Variants in RFC3 observed in about 807,000 individuals in gnomAD.
The protein encoded by RFC3 is A1 38 kDa subunit.
Under a neutral mutation model 45.1 loss-of-function variants are expected in RFC3, and 41 were observed. That is an observed-to-expected ratio of 0.91 (90% confidence interval 0.71 to 1.18). The LOEUF is 1.18. Ranked by LOEUF, RFC3 falls within the 50% of genes most tolerant of loss-of-function variation. The pLI is 0.00. For missense variants in RFC3, 423 were observed against 428.1 expected (o/e 0.99, Z 0.10); for synonymous variants, 149 against 144.0 (o/e 1.03, Z -0.25).
intron 8 of RFC3, among the ~76,000 whole-genome samples, chr13:33,875,907 T>C (rs1293608151): frequency 6.6e-6 from 1 of 152,218 alleles, no homozygotes. Context: ...AAGCTAATCA[T>C]AGCAGCCCTC....
At chr13:33,943,538 A>G (rs903544308) in intron 8 of RFC3, among the ~76,000 whole-genome samples, 1 of 152,168 alleles carries the variant, frequency 6.6e-6, no homozygotes, top group Non-Finnish European at 1.5e-5. Context: ...AGGATATCCT[A>G]ATTACCACGA....
intron 8 of RFC3, among the ~76,000 whole-genome samples, chr13:33,891,419 A>G (rs1009229919): frequency 1.3e-5 from 2 of 152,220 alleles, no homozygotes; most frequent in South Asian, 4.1e-4. Flanking sequence ...CAAGCAGAGC[A>G]GACAAGTAAC....
chr13:33,829,732 CTTA>C (rs768543538), intron 4 of RFC3, 101 bp from the exon 5 acceptor site: 18 of 869,158 alleles, frequency 2.1e-5, no homozygotes, highest in African/African-American at 3.3e-5. Flanking sequence ...GTATATCAGG[CTTA>C]TTATTTAGGA....
chr13:33,961,800 A>C (rs1360611406), intron 8 of RFC3, among the ~76,000 whole-genome samples: 3 of 152,242 alleles, frequency 2.0e-5, no homozygotes, highest in Non-Finnish European at 4.4e-5. Context: ...AGAGATTGGA[A>C]ATAGTGCTTT....
intron 7 of RFC3, among the ~76,000 whole-genome samples, chr13:33,833,422 C>G (rs1432761013): frequency 1.3e-5 from 2 of 151,858 alleles, no homozygotes; most frequent in African/African-American, 2.4e-5. Flanking sequence ...CAGGTACATT[C>G]CATTATTATA....
the RFC3 span, among the ~76,000 whole-genome samples, chr13:33,975,384 G>A: frequency 6.6e-6 from 1 of 152,168 alleles, no homozygotes; most frequent in Middle Eastern, 3.2e-3. Flanking sequence ...AAGTTCCATA[G>A]GGGAAAGGAA....
intron 8 of RFC3, among the ~76,000 whole-genome samples, chr13:33,939,059 T>C (rs1028392482): frequency 1.1e-4 from 16 of 152,284 alleles, no homozygotes; most frequent in Non-Finnish European, 2.2e-4. Context: ...ATTCTGTAGA[T>C]CCTCAACATG....
downstream of RFC3, among the ~76,000 whole-genome samples, chr13:33,966,918 A>G (rs912382156): frequency 4.6e-4 from 70 of 152,130 alleles, no homozygotes; most frequent in African/African-American, 1.7e-3. Flanking sequence ...GCACTTTGGG[A>G]GGTCAAGGCA....
chr13:33,863,461 G>T (rs774009322), intron 8 of RFC3, among the ~76,000 whole-genome samples: 1 of 152,156 alleles, frequency 6.6e-6, no homozygotes, highest in Non-Finnish European at 1.5e-5. Flanking sequence ...CAATATTCAG[G>T]TACTGAGTGG....
chr13:33,928,870 T>C (rs1277816127), intron 8 of RFC3, among the ~76,000 whole-genome samples: 1 of 152,100 alleles, frequency 6.6e-6, no homozygotes, highest in Admixed American at 6.6e-5. Flanking sequence ...AATGGGTTAG[T>C]TGCCCTAGAA....
rs748705179 is a variant in RFC3, at chr13:33,835,224, C to T, written c.879+7C>T. On this transcript the variant is annotated splice_region_variant and intron_variant, in intron 8 of 8. Coordinates refer to ENST00000380071, the MANE Select transcript of RFC3 (RefSeq NM_002915.4). ...TCCTGAGATAATAATGAAGGTAACC[C>T]AATTTCAGATCTTGAACTTTTTACA... 3 of 1,592,150 alleles carry T rather than the reference C, an allele frequency of 1.9e-6. No homozygotes were observed. The highest frequency in any genetic ancestry group is 2.2e-5 in the East Asian group (1 of 44,770).
intron 8 of RFC3, among the ~76,000 whole-genome samples, chr13:33,869,332 T>C (rs1222943972): frequency 6.6e-6 from 1 of 152,222 alleles, no homozygotes; most frequent in East Asian, 1.9e-4. Flanking sequence ...TGGATAACAT[T>C]TGATTTCCAT....
intron 8 of RFC3, among the ~76,000 whole-genome samples, chr13:33,955,104 G>A (rs1179674309): frequency 6.6e-6 from 1 of 152,142 alleles, no homozygotes; most frequent in Non-Finnish European, 1.5e-5. Flanking sequence ...TTCCCCTTCA[G>A]TGTCTAGAAA....
chr13:33,915,960 A>G (rs1006170846), intron 8 of RFC3, among the ~76,000 whole-genome samples: 6 of 152,050 alleles, frequency 3.9e-5, no homozygotes, highest in African/African-American at 1.2e-4. Context: ...CACCACACCT[A>G]GCTAATTTTG....
At chr13:33,886,392 A>G (rs1320299958) in intron 8 of RFC3, among the ~76,000 whole-genome samples, 3 of 152,010 alleles carry the variant, frequency 2.0e-5, no homozygotes, top group Admixed American at 2.0e-4. Flanking sequence ...TAAAAATACA[A>G]AAGATTAGCC....
chr13:33,890,876 A>G (rs1294364994), intron 8 of RFC3, among the ~76,000 whole-genome samples: 2 of 152,122 alleles, frequency 1.3e-5, no homozygotes, highest in East Asian at 1.9e-4. Context: ...CTTTTATACC[A>G]TGCTTTCTTC....
chr13:33,835,035 T>C (rs2082140273), intron 7 of RFC3, 113 bp from the exon 8 acceptor site: 1 of 614,528 alleles, frequency 1.6e-6, no homozygotes, highest in Non-Finnish European at 2.9e-6. Flanking sequence ...CATAAAGTTG[T>C]TAATTCTGTA....
chr13:33,832,105 A>G (rs902123765), intron 7 of RFC3, among the ~76,000 whole-genome samples: 1 of 152,200 alleles, frequency 6.6e-6, no homozygotes, highest in Non-Finnish European at 1.5e-5. Context: ...TGTTTGACTT[A>G]TGGCAGCTTC....
intron 3 of RFC3, among the ~76,000 whole-genome samples, chr13:33,825,058 C>T (rs1029040094): frequency 6.6e-6 from 1 of 152,068 alleles, no homozygotes; most frequent in Non-Finnish European, 1.5e-5. Context: ...TTTTTCTCAT[C>T]GTGAGTTCTT....
Sources: allele counts gnomAD v4.1 joint callset (sites outside exome capture counted in the v4.1 genomes callset), GRCh38; gene constraint gnomAD v4.1.1; transcripts MANE v1.5; gene names NCBI Gene and HGNC (gene_info 2026-07-23, HGNC 2026-07-21).